SCFD2: variants seen among roughly 807,000 people sequenced by gnomAD.
The protein encoded by SCFD2 is sec1 family domain-containing protein 2.
A neutral mutation model predicts 58.9 loss-of-function variants in SCFD2; 54 were observed. The ratio of observed to expected loss-of-function variants is 0.92; its 90% CI spans 0.74 to 1.15. The LOEUF is 1.15. Ranked by LOEUF, SCFD2 falls within the 50% of genes most tolerant of loss-of-function variation. SCFD2 has a pLI of 0.00. For missense variants in SCFD2, 805 were observed against 836.6 expected (o/e 0.96, Z 0.47); for synonymous variants, 321 against 335.9 (o/e 0.96, Z 0.49).
chr4:52,992,288 T>C (rs1299027080), intron 5 of SCFD2, among the ~76,000 whole-genome samples: 1 of 152,226 alleles, frequency 6.6e-6, no homozygotes, highest in Non-Finnish European at 1.5e-5. Flanking sequence ...CTCGGCCTCC[T>C]GAGGTGCCGG....
chr4:52,968,568 T>C (rs1721018104), intron 5 of SCFD2, among the ~76,000 whole-genome samples: 1 of 152,232 alleles, frequency 6.6e-6, no homozygotes, highest in Non-Finnish European at 1.5e-5. Flanking sequence ...CAGATACTAT[T>C]ATGAATTCTT....
rs192234553 is a variant in SCFD2 at position 53,073,992 on chromosome 4, C to T, written c.1561+71341G>A. ...GTGGCAATTTCTTAAAATAAGACAA[C>T]GATAAAGTCTGCCTTATTAACTGAC... On this transcript the variant is annotated intron_variant, in intron 5 of 8. Coordinates refer to ENST00000401642, the MANE Select transcript of SCFD2 (RefSeq NM_152540.4). Among the ~76,000 whole-genome samples the T allele has an allele frequency of 4.6e-5, 7 of 152,140 alleles. No individual in the cohort carries two copies. In the East Asian group the frequency reaches 5.8e-4, roughly 13 times the overall value.
chr4:53,290,484 G>A (rs1351377025), intron 3 of SCFD2, among the ~76,000 whole-genome samples: 1 of 152,038 alleles, frequency 6.6e-6, no homozygotes. Context: ...AGTTCTAACA[G>A]GAGAGTTTAT....
At chr4:52,953,123 T>C (rs1720638478) in intron 5 of SCFD2, among the ~76,000 whole-genome samples, 2 of 152,182 alleles carry the variant, frequency 1.3e-5, no homozygotes, top group Non-Finnish European at 2.9e-5. Flanking sequence ...TCTGAGTATT[T>C]ACAGAGTGCC....
intron 2 of SCFD2, among the ~76,000 whole-genome samples, chr4:53,342,832 A>G (rs1733924814): frequency 6.6e-6 from 1 of 152,208 alleles, no homozygotes; most frequent in African/African-American, 2.4e-5. Flanking sequence ...CTACATGGAA[A>G]CTGAACAACC....
intron 5 of SCFD2, among the ~76,000 whole-genome samples, chr4:53,092,646 A>G (rs1724507521): frequency 6.6e-6 from 1 of 152,152 alleles, no homozygotes; most frequent in Non-Finnish European, 1.5e-5. Flanking sequence ...ATATAAAAAG[A>G]ACTATGGATA....
chr4:53,019,423 G>A (rs1011909180), intron 5 of SCFD2, among the ~76,000 whole-genome samples: 1 of 152,114 alleles, frequency 6.6e-6, no homozygotes, highest in Non-Finnish European at 1.5e-5. Context: ...AATATTTACA[G>A]TGACTAGATG....
chr4:52,877,809 A>C (rs1202111939), intron 8 of SCFD2, among the ~76,000 whole-genome samples: 1 of 152,082 alleles, frequency 6.6e-6, no homozygotes, highest in East Asian at 1.9e-4. Context: ...CACAGGCTTA[A>C]AATCCCTGCA....
chr4:52,988,991 T>C (rs1243466648), intron 5 of SCFD2, among the ~76,000 whole-genome samples: 1 of 152,202 alleles, frequency 6.6e-6, no homozygotes, highest in Admixed American at 6.5e-5. Context: ...ATTTTATCCC[T>C]AATAGTTATA....
chr4:53,164,785 T>A (rs1726956074), intron 4 of SCFD2, among the ~76,000 whole-genome samples: 8 of 65,050 alleles, frequency 1.2e-4, no homozygotes, highest in South Asian at 1.2e-3. Flanking sequence ...GACTCTGGAG[T>A]CTCAAAAAAA....
intron 2 of SCFD2, among the ~76,000 whole-genome samples, chr4:53,329,879 C>A (rs532022884): frequency 7.6e-4 from 115 of 151,906 alleles, no homozygotes; most frequent in Admixed American, 1.3e-3. Context: ...ACTAGAATAA[C>A]CAATACAGAG....
intron 5 of SCFD2, among the ~76,000 whole-genome samples, chr4:52,997,957 A>C (rs1309845224): frequency 6.6e-6 from 1 of 152,200 alleles, no homozygotes; most frequent in Admixed American, 6.5e-5. Context: ...TATTTTCCTT[A>C]TATTCTTCCT....
At chr4:53,165,551 T>C (rs1004822479) in intron 4 of SCFD2, among the ~76,000 whole-genome samples, 2 of 152,160 alleles carry the variant, frequency 1.3e-5, no homozygotes, top group African/African-American at 4.8e-5. Context: ...ATACCACTCC[T>C]GCTCCCACCC....
intron 7 of SCFD2, among the ~76,000 whole-genome samples, chr4:52,903,795 C>A (rs1719280376): frequency 6.6e-6 from 1 of 152,174 alleles, no homozygotes; most frequent in Non-Finnish European, 1.5e-5. Context: ...TAAAAACATG[C>A]TGATTAAAAC....
intron 4 of SCFD2, among the ~76,000 whole-genome samples, chr4:53,243,206 C>T (rs533409929): frequency 1.6e-4 from 24 of 152,150 alleles, no homozygotes; most frequent in African/African-American, 5.1e-4. Context: ...AAATGAAAGA[C>T]AAAATGTTAA....
At chr4:53,211,241 G>A (rs80177593) in intron 4 of SCFD2, among the ~76,000 whole-genome samples, 7 of 142,012 alleles carry the variant, frequency 4.9e-5, no homozygotes, top group Admixed American at 7.0e-5. Context: ...GACTCCATGT[G>A]AAAAAAAAAA....
At chr4:53,018,254 AT>A (rs1172705037) in intron 5 of SCFD2, among the ~76,000 whole-genome samples, 2 of 152,194 alleles carry the variant, frequency 1.3e-5, no homozygotes, top group African/African-American at 4.8e-5. Flanking sequence ...AAAATTTGAT[AT>A]TGTTACAGAA....
rs540719020 is a variant in SCFD2 at position 53,225,944 on chromosome 4, G to C, written c.1311+47882C>G. Among the ~76,000 whole-genome samples the C allele has an allele frequency of 2.0e-5, 3 of 152,158 alleles. No homozygotes were observed. In the South Asian group the frequency reaches 6.2e-4, roughly 32 times the overall value. On this transcript the variant is annotated intron_variant, in intron 4 of 8. Coordinates refer to ENST00000401642, the MANE Select transcript of SCFD2 (RefSeq NM_152540.4). ...ACCAATATTTTCCGGTAGTTTACTT[G>C]TTATTTGGGGTATTTTTAATTTTTT...
chr4:53,250,003 G>C lies in SCFD2; in HGVS notation c.1311+23823C>G, dbSNP rs190333084. On this transcript the variant is annotated intron_variant, in intron 4 of 8. Transcript: ENST00000401642. The stretch of plus-strand genomic sequence containing the variant: ...ATGCTCCCATTAAAAGACACAGACT[G>C]GCAAATTGGATAAAGAGTCAAGACC... 2.7e-3 allele frequency among the ~76,000 whole-genome samples: 411 copies of C among 152,218 alleles called. 1 individual carries two copies. Among genetic ancestry groups the C allele is most frequent in the African/African-American group, 9.5e-3 (393 of 41,526 alleles).
Sources: allele counts gnomAD v4.1 joint callset (sites outside exome capture counted in the v4.1 genomes callset), GRCh38; gene constraint gnomAD v4.1.1; transcripts MANE v1.5; gene names NCBI Gene and HGNC (gene_info 2026-07-23, HGNC 2026-07-21).